The following NFATC1 variants were observed in gnomAD, a reference collection of about 807,000 sequenced individuals.
The protein encoded by NFATC1 is nuclear factor of activated T-cells, cytoplasmic 1.
Under a neutral mutation model 76.0 loss-of-function variants are expected in NFATC1, and 22 were observed. That is an observed-to-expected ratio of 0.29 (90% confidence interval 0.21 to 0.41). The LOEUF is 0.41. Among genes scored for constraint, NFATC1 ranks in the 10% least tolerant of loss-of-function variants. The probability of loss-of-function intolerance (pLI) is 1.00; values close to 1 mark genes in which losing one functional copy is unlikely to be tolerated. For missense variants in NFATC1, 1,357 were observed against 1,337.7 expected, an observed-to-expected ratio of 1.01 and a Z score of -0.23; for synonymous variants, 704 against 613.1, an observed-to-expected ratio of 1.15 and a Z score of -2.19.
intron 1 of NFATC1, among the ~76,000 whole-genome samples, chr18:79,403,355 C>G (rs544778335): frequency 1.5e-3 from 234 of 152,386 alleles, no homozygotes; most frequent in African/African-American, 5.5e-3. Flanking sequence ...TAAATAATTT[C>G]CCAGGCGGGA....
intron 9 of NFATC1, among the ~76,000 whole-genome samples, chr18:79,490,422 G>A (rs1484563647): frequency 6.6e-6 from 1 of 151,952 alleles, no homozygotes; most frequent in East Asian, 1.9e-4. Flanking sequence ...CCGGCTCTGG[G>A]TTAGGGCAGG....
At chr18:79,489,589 T>C (rs1352436742) in intron 9 of NFATC1, among the ~76,000 whole-genome samples, 1 of 152,202 alleles carries the variant, frequency 6.6e-6, no homozygotes, top group South Asian at 2.1e-4. Context: ...CTCTCCCCAT[T>C]TTCCTCACTC....
intron 1 of NFATC1, among the ~76,000 whole-genome samples, chr18:79,401,431 A>G: frequency 6.6e-6 from 1 of 151,908 alleles, no homozygotes; most frequent in East Asian, 1.9e-4. Flanking sequence ...GCGGTTCTCG[A>G]CTCACCACTC....
intron 9 of NFATC1, among the ~76,000 whole-genome samples, chr18:79,511,034 C>T (rs533170237): frequency 5.1e-4 from 77 of 152,290 alleles, no homozygotes; most frequent in African/African-American, 1.3e-3. Context: ...GGCGTGGGCC[C>T]GCGGTGTCTG....
Position 79,527,541 on chromosome 18 carries a change from AC to A in NFATC1, c.2797del (p.Arg933GlufsTer25), listed in dbSNP as rs755107252. The A allele has an allele frequency of 6.2e-7, 1 of 1,614,016 alleles. No homozygotes were observed. Among genetic ancestry groups the A allele is most frequent in the South Asian group, 1.1e-5 (1 of 91,086 alleles). ...LYLDDVNEII[R>X]NDLSSTSTHS ...CTTTTCTTACAGTAAATGAAATAAT[AC>A]GAAATGACCTCTCCAGCACGAGCAC... On this transcript the variant is annotated frameshift_variant, in exon 10 of 10. Coordinates refer to ENST00000427363, the MANE Select transcript of NFATC1 (RefSeq NM_001278669.2). LOFTEE classifies it high-confidence loss of function.
chr18:79,417,899 G>A (rs2085933531), intron 2 of NFATC1, among the ~76,000 whole-genome samples: 2 of 141,580 alleles, frequency 1.4e-5, no homozygotes, highest in African/African-American at 5.3e-5. Context: ...GGGCTGTGGT[G>A]GGAGATGGGA....
chr18:79,410,652 T>G lies in NFATC1; in HGVS notation c.377T>G (p.Leu126Trp). The change falls in exon 2 of 10, where the codon TTG becomes TGG. Residue 126 changes from leucine (L) to tryptophan (W), a missense_variant. Physicochemically the swap from Leu to Trp is moderately conservative, Grantham distance 61. Coordinates refer to ENST00000427363, the MANE Select transcript of NFATC1 (RefSeq NM_001278669.2). The surrounding 1 kb of genome is among the most constrained non-coding windows in gnomAD (Gnocchi z 6.7). ...ESPRIEITSCLGLYHNNNQFF... is the reference protein window; with the variant it reads ...ESPRIEITSCWGLYHNNNQFF... The stretch of plus-strand genomic sequence containing the variant: ...CCTCGCATCGAGATAACCTCGTGCT[T>G]GGGCCTGTACCACAACAATAACCAG... 2 of 1,613,194 alleles carry G rather than the reference T, an allele frequency of 1.2e-6. No homozygotes were observed. Among genetic ancestry groups the G allele is most frequent in the Non-Finnish European group, 1.7e-6 (2 of 1,180,014 alleles).
chr18:79,433,192 A>G (rs1449972443), intron 2 of NFATC1, among the ~76,000 whole-genome samples: 4 of 152,172 alleles, frequency 2.6e-5, no homozygotes, highest in Non-Finnish European at 5.9e-5. Context: ...TGGCAGCCAC[A>G]CAGCTGGTTC....
chr18:79,437,594 C>T (rs1321317792), intron 3 of NFATC1, among the ~76,000 whole-genome samples: 1 of 152,236 alleles, frequency 6.6e-6, no homozygotes, highest in Admixed American at 6.5e-5. Context: ...TGATGCGTGG[C>T]GGATGTTTCC....
chr18:79,410,267 C>CA lies in NFATC1; in HGVS notation c.128-135dup. ...CCGGAGCTGTCCGGCAGCGTGGTCTCAGGGACGTTTGCTGAGGCCCGCTCC... is the reference window on the plus strand; with the variant it reads ...CCGGAGCTGTCCGGCAGCGTGGTCTCAAGGGACGTTTGCTGAGGCCCGCTCC... On this transcript the variant is annotated intron_variant, in intron 1 of 9. Coordinates refer to ENST00000427363, the MANE Select transcript of NFATC1 (RefSeq NM_001278669.2). This position sits in a 1 kb window ranked among gnomAD's most constrained non-coding sequence, Gnocchi z 6.7. The CA allele has an allele frequency of 7.1e-7, 1 of 1,407,412 alleles. No homozygotes were observed. 87.2% of individuals were successfully genotyped at this position (1,407,412 alleles called of 1,614,324 possible). A position where few individuals can be genotyped will look rare whatever the true frequency, so the allele number is the denominator to read the frequency against.
intron 9 of NFATC1, among the ~76,000 whole-genome samples, chr18:79,489,036 G>A (rs771564075): frequency 2.1e-4 from 32 of 152,194 alleles, no homozygotes; most frequent in Non-Finnish European, 4.3e-4. Context: ...CTGTTGACCC[G>A]CACGGTGCTC....
At chr18:79,438,728 G>A (rs1447316626) in intron 3 of NFATC1, among the ~76,000 whole-genome samples, 1 of 152,122 alleles carries the variant, frequency 6.6e-6, no homozygotes, top group African/African-American at 2.4e-5. Context: ...AGGGGCGGGC[G>A]GGTCAGGCGA....
chr18:79,442,008 G>A (rs1390002907), intron 3 of NFATC1, among the ~76,000 whole-genome samples: 1 of 152,178 alleles, frequency 6.6e-6, no homozygotes, highest in Non-Finnish European at 1.5e-5. Flanking sequence ...CAGTGCCCTG[G>A]CTCCGTGGCC....
At chr18:79,514,513 C>T (rs2090331614) in intron 9 of NFATC1, among the ~76,000 whole-genome samples, 1 of 132,268 alleles carries the variant, frequency 7.6e-6, no homozygotes, top group African/African-American at 2.9e-5. Flanking sequence ...CTGCAGTGAG[C>T]TGTGATCGAA....
At position 79,524,721 on chromosome 18, in the gene NFATC1, C is replaced by T. The variant is rs551630007; in HGVS notation, c.2783-2807C>T. ...GAGAGCAAAGGAGGCTGTGGTGGCC[C>T]CCGACGGGAACCTGGGTGGCCGGGG... On this transcript the variant is annotated intron_variant, in intron 9 of 9. Transcript: ENST00000427363. The surrounding 1 kb of genome is among the most constrained non-coding windows in gnomAD (Gnocchi z 7.2). Among the ~76,000 whole-genome samples the T allele has an allele frequency of 2.0e-4, 31 of 152,196 alleles. No homozygotes were observed. In the East Asian group the frequency reaches 4.6e-3, roughly 23 times the overall value.
chr18:79,474,774 C>T (rs946075476), intron 8 of NFATC1, among the ~76,000 whole-genome samples: 2 of 149,632 alleles, frequency 1.3e-5, no homozygotes, highest in African/African-American at 2.5e-5. Flanking sequence ...CGCTCACTGT[C>T]GACGTTGCGA....
intron 3 of NFATC1, among the ~76,000 whole-genome samples, chr18:79,447,881 G>A (rs1309324286): frequency 6.6e-6 from 1 of 152,236 alleles, no homozygotes. Flanking sequence ...GGGTGAGAGG[G>A]AACGGCACCA....
chr18:79,522,037 GT>G (rs1364134643), intron 9 of NFATC1, among the ~76,000 whole-genome samples: 1 of 92,824 alleles, frequency 1.1e-5, no homozygotes, highest in African/African-American at 4.5e-5. Context: ...TGATGTGTGT[GT>G]TTTGTGTGTG....
chr18:79,423,519 G>A (rs190572591), intron 2 of NFATC1, among the ~76,000 whole-genome samples: 19 of 152,312 alleles, frequency 1.2e-4, no homozygotes, highest in African/African-American at 3.6e-4. Flanking sequence ...GTCATTGCCC[G>A]TGGCCACATC....
Sources: allele counts gnomAD v4.1 joint callset (sites outside exome capture counted in the v4.1 genomes callset), GRCh38; gene constraint gnomAD v4.1.1; non-coding constraint Gnocchi (gnomAD v3.1); transcripts MANE v1.5; gene names NCBI Gene and HGNC (gene_info 2026-07-23, HGNC 2026-07-21).